Variants in QSER1 observed in about 807,000 individuals in gnomAD.
The protein encoded by QSER1 is glutamine and serine rich 1, also known as glutamine and serine-rich protein 1.
A neutral mutation model predicts 158.5 loss-of-function variants in QSER1; 49 were observed. The ratio of observed to expected loss-of-function variants is 0.31; its 90% confidence interval spans 0.25 to 0.39. The LOEUF is 0.39. Among genes scored for constraint, QSER1 ranks in the 10% least tolerant of loss-of-function variants. The pLI is 1.00. For missense variants in QSER1, 1,754 were observed against 2,010.3 expected, an observed-to-expected ratio of 0.87 and a Z score of 2.44; for synonymous variants, 650 against 715.5, an observed-to-expected ratio of 0.91 and a Z score of 1.46.
chr11:32,972,426 T>TTAA (rs1852882164), intron 10 of QSER1, among the ~76,000 whole-genome samples: 1 of 150,318 alleles, frequency 6.7e-6, no homozygotes, highest in South Asian at 2.1e-4. Flanking sequence ...TATTTATTTA[T>TTAA]TTATTTATTT....
At chr11:32,941,370 C>G (rs1409953174) in intron 4 of QSER1, among the ~76,000 whole-genome samples, 1 of 137,506 alleles carries the variant, frequency 7.3e-6, no homozygotes, top group Non-Finnish European at 1.6e-5. Flanking sequence ...TCTCCCAATG[C>G]TATCCCTCCC....
Position 32,976,881 on chromosome 11 carries a change from A to G in QSER1, c.*407A>G. On this transcript the variant is annotated 3_prime_UTR_variant, in exon 13 of 13. Transcript: ENST00000650167. ...GAATGACAGAGAAGTGGCAGAAACCATATGTTTGTACTCACATCTGGCCAC... is the reference window on the plus strand; with the variant it reads ...GAATGACAGAGAAGTGGCAGAAACCGTATGTTTGTACTCACATCTGGCCAC... 1 of 195,558 alleles carries G rather than the reference A, an allele frequency of 5.1e-6. No homozygotes were observed. Among genetic ancestry groups the G allele is most frequent in the Non-Finnish European group, 1.0e-5 (1 of 97,508 alleles). 12.1% of individuals were successfully genotyped at this position (195,558 alleles called of 1,614,324 possible). A position where few individuals can be genotyped will look rare whatever the true frequency, so the allele number is the denominator to read the frequency against.
chr11:32,970,901 TGTTATTA>T (rs1015274420), intron 10 of QSER1, among the ~76,000 whole-genome samples: 1 of 151,910 alleles, frequency 6.6e-6, no homozygotes, highest in Non-Finnish European at 1.5e-5. Flanking sequence ...TTTCTAATTC[TGTTATTA>T]GTTATTAATT....
At chr11:32,931,366 G>T (rs922921567) in intron 3 of QSER1, among the ~76,000 whole-genome samples, 1 of 151,996 alleles carries the variant, frequency 6.6e-6, no homozygotes, top group Non-Finnish European at 1.5e-5. Context: ...GATCACTTGA[G>T]CCCAGGAGTT....
intron 1 of QSER1, among the ~76,000 whole-genome samples, chr11:32,903,306 C>G (rs1851648241): frequency 6.6e-6 from 1 of 150,886 alleles, no homozygotes; most frequent in South Asian, 2.1e-4. Flanking sequence ...ATTCTGGGGG[C>G]TTGGGATACA....
At chr11:32,916,940 C>T (rs769768979) in intron 1 of QSER1, among the ~76,000 whole-genome samples, 6 of 152,210 alleles carry the variant, frequency 3.9e-5, no homozygotes, top group Non-Finnish European at 7.3e-5. Context: ...ATGCATGCCA[C>T]CACACCCAGC....
Position 32,932,919 on chromosome 11 carries a change from G to T in QSER1, c.1661G>T (p.Ser554Ile), listed in dbSNP as rs747695462. The T allele has an allele frequency of 1.2e-5, 20 of 1,613,858 alleles. No individual in the cohort carries two copies. Among genetic ancestry groups the T allele is most frequent in the Non-Finnish European group, 1.7e-5 (20 of 1,179,970 alleles). Reference protein sequence around the residue: ...RDLSSVSQSQSYSSGHSQGLS... With the variant: ...RDLSSVSQSQIYSSGHSQGLS... ...CTGTCTTCAGTAAGTCAGTCTCAAA[G>T]TTACTCATCTGGTCACTCTCAGGGT... is the stretch of plus-strand genomic sequence containing the variant. Residue 554 changes from serine (S) to isoleucine (I), a missense_variant, in exon 4 of 13, where the codon AGT becomes ATT. By Grantham distance (142) the Ser-to-Ile change is moderately radical (BLOSUM62 -2). Coordinates refer to ENST00000650167, the MANE Select transcript of QSER1 (RefSeq NM_001076786.3).
rs532720776 is a variant in QSER1, at chr11:32,917,098, T to A, written c.210-10059T>A. Among the ~76,000 whole-genome samples the A allele has an allele frequency of 5.4e-3, 818 of 152,358 alleles. 11 individuals carry two copies. The highest frequency in any genetic ancestry group is 0.013 in the South Asian group (62 of 4,830). On this transcript the variant is annotated intron_variant, in intron 1 of 12. Transcript: ENST00000650167. ...CACCACGCCCGGCCGGGCATGACTC[T>A]AAATGGAATTATATGTGGTCTTTTG...
chr11:32,906,432 C>T (rs1851694028), intron 1 of QSER1, among the ~76,000 whole-genome samples: 1 of 152,124 alleles, frequency 6.6e-6, no homozygotes, highest in South Asian at 2.1e-4. Context: ...TTTTAAGAGA[C>T]AGGGTCTTAC....
At chr11:32,907,797 C>G (rs867303410) in intron 1 of QSER1, among the ~76,000 whole-genome samples, 1 of 152,146 alleles carries the variant, frequency 6.6e-6, no homozygotes, top group Non-Finnish European at 1.5e-5. Flanking sequence ...GGATGTATTT[C>G]TTTTAAAAGA....
intron 1 of QSER1, among the ~76,000 whole-genome samples, chr11:32,904,152 C>T (rs935444287): frequency 6.6e-6 from 1 of 151,382 alleles, no homozygotes; most frequent in Non-Finnish European, 1.5e-5. Context: ...CAGTCTAGGC[C>T]TTTCTGCAGT....
In QSER1 at chr11:32,958,042, C is replaced by G; in HGVS notation, c.4925C>G (p.Ser1642Cys). Residue 1642 changes from serine (S) to cysteine (C), a missense_variant, in exon 8 of 13, where the codon TCT becomes TGT. This residue lies in a region of QSER1 where 1,707 missense variants were observed against 1,919.6 expected (regional missense o/e 0.89). Transcript: ENST00000650167. ...AAAGAAGAATTTTCATCATCCCAAT[C>G]TGACTCATCTCCTGAGATCCATACT... Reference protein sequence around the residue: ...KWKEEFSSSQSDSSPEIHTSS... With the variant: ...KWKEEFSSSQCDSSPEIHTSS... The G allele has an allele frequency of 6.2e-7, 1 of 1,614,166 alleles. No individual in the cohort carries two copies.
chr11:32,970,412 T>C (rs948559721), intron 10 of QSER1, among the ~76,000 whole-genome samples: 1 of 152,152 alleles, frequency 6.6e-6, no homozygotes, highest in African/African-American at 2.4e-5. Flanking sequence ...TGTTTGTTCG[T>C]TTTTGTTTTT....
intron 4 of QSER1, among the ~76,000 whole-genome samples, chr11:32,942,853 TC>T (rs1852264083): frequency 6.6e-6 from 1 of 152,190 alleles, no homozygotes; most frequent in Non-Finnish European, 1.5e-5. Context: ...TATTGATTCT[TC>T]CTACCCATGA....
chr11:32,975,472 T>C, intron 12 of QSER1, 129 bp downstream of exon 12: 1 of 1,513,330 alleles, frequency 6.6e-7, no homozygotes. Flanking sequence ...CTATGTATTC[T>C]GTAAATAATG....
chr11:32,909,890 G>A (rs748871535), intron 1 of QSER1, among the ~76,000 whole-genome samples: 1 of 152,034 alleles, frequency 6.6e-6, no homozygotes, highest in South Asian at 2.1e-4. Context: ...ATTTTAGTTC[G>A]GAAACTAAGG....
chr11:32,938,044 A>G (rs1379057381), intron 4 of QSER1, among the ~76,000 whole-genome samples: 1 of 152,204 alleles, frequency 6.6e-6, no homozygotes, highest in African/African-American at 2.4e-5. Context: ...TTACATTTGT[A>G]TATTTCATTA....
chr11:32,954,065 C>T lies in QSER1; in HGVS notation c.4386C>T (p.Asp1462=). 1.2e-6 allele frequency: 2 copies of T among 1,614,142 alleles called. No individual in the cohort carries two copies. Among genetic ancestry groups the T allele is most frequent in the East Asian group, 2.2e-5 (1 of 44,880 alleles). Residue 1462 remains aspartate (D), a synonymous_variant, in exon 5 of 13, where the codon GAC becomes GAT. Transcript: ENST00000650167. ...CAGACCAGTTTGCAAAAGGACAGGA[C>T]ACTGTTGCCATAGAAGGTTTTACAG... The part of the protein sequence containing the change: ...LPSDQFAKGQ[D]TVAIEGFTDE...
chr11:32,913,964 T>C (rs1851802449), intron 1 of QSER1, among the ~76,000 whole-genome samples: 1 of 152,236 alleles, frequency 6.6e-6, no homozygotes, highest in African/African-American at 2.4e-5. Context: ...TTTTTCAAAT[T>C]CATGATAAAT....
Sources: allele counts gnomAD v4.1 joint callset (sites outside exome capture counted in the v4.1 genomes callset), GRCh38; gene constraint gnomAD v4.1.1; regional missense constraint gnomAD v4.1.1; transcripts MANE v1.5; gene names NCBI Gene and HGNC (gene_info 2026-07-23, HGNC 2026-07-21).